Variants in ZSCAN5A observed in about 807,000 individuals in gnomAD.
ZSCAN5A encodes the protein zinc finger and SCAN domain-containing protein 5A.
Under a neutral mutation model 23.7 loss-of-function variants are expected in ZSCAN5A, and 12 were observed. The observed-to-expected ratio is 0.51, with a 90% CI of 0.32 to 0.82. The LOEUF (loss-of-function observed/expected upper bound fraction) is 0.82. Ranked by LOEUF, ZSCAN5A falls within the 40% of genes least tolerant of loss-of-function variation. ZSCAN5A has a pLI of 0.03. For missense variants in ZSCAN5A, 597 were observed against 617.9 expected (o/e 0.97, Z 0.36); for synonymous variants, 257 against 239.9 (o/e 1.07, Z -0.66).
At chr19:56,344,995 C>T (rs2041622632) in intron 2 of ZSCAN5A, among the ~76,000 whole-genome samples, 1 of 147,706 alleles carries the variant, frequency 6.8e-6, no homozygotes. Context: ...GTCCCAGCTA[C>T]TCGGGAGGCC....
intron 2 of ZSCAN5A, among the ~76,000 whole-genome samples, chr19:56,270,800 T>C (rs75126527): frequency 5.8e-4 from 88 of 152,242 alleles, no homozygotes; most frequent in African/African-American, 2.0e-3. Context: ...ACTGTGTAAT[T>C]GATAGGGACC....
intron 2 of ZSCAN5A, among the ~76,000 whole-genome samples, chr19:56,238,045 G>A (rs1411392887): frequency 2.8e-5 from 4 of 143,468 alleles, no homozygotes; most frequent in East Asian, 2.0e-4. Context: ...GCCAGGAGTC[G>A]TGGCATATGT....
At chr19:56,235,095 G>T (rs796931427) in intron 2 of ZSCAN5A, among the ~76,000 whole-genome samples, 24,205 of 92,918 alleles carry the variant, frequency 0.26, 1,448 homozygotes, top group South Asian at 0.34. Context: ...AACCTCTGAT[G>T]GACGGTGGGC....
At chr19:56,313,831 A>T (rs543357060) in intron 1 of ZSCAN5A, among the ~76,000 whole-genome samples, 6 of 152,334 alleles carry the variant, frequency 3.9e-5, no homozygotes, top group African/African-American at 1.4e-4. Flanking sequence ...GATCATGTCC[A>T]GACATTCATA....
At chr19:56,362,685 C>G (rs1204871297) in intron 2 of ZSCAN5A, among the ~76,000 whole-genome samples, 1 of 152,048 alleles carries the variant, frequency 6.6e-6, no homozygotes, top group African/African-American at 2.4e-5. Context: ...CTGGCTAACA[C>G]GGTAAAACCC....
At chr19:56,340,291 C>A (rs769645072) in intron 2 of ZSCAN5A, among the ~76,000 whole-genome samples, 1 of 152,180 alleles carries the variant, frequency 6.6e-6, no homozygotes, top group Non-Finnish European at 1.5e-5. Flanking sequence ...AGCAAAATGT[C>A]TCTCAAGGCA....
rs759680447 is a variant in ZSCAN5A at position 56,222,009 on chromosome 19, G to A, written c.1057C>T (p.Leu353=). 1.1e-5 allele frequency: 18 copies of A among 1,614,116 alleles called. No individual in the cohort carries two copies. Among genetic ancestry groups the A allele is most frequent in the Admixed American group, 6.7e-5 (4 of 60,012 alleles). ...SHPDGQEAKA[L]PPFACDVCEK... ...CACACGTCACATGCAAAGGGCGGCA[G>A]TGCCTTGGCTTCTTGGCCATCCGGG... The change falls in exon 6 of 6, where the codon CTG becomes TTG. Residue 353 remains leucine, a synonymous_variant. Transcript: ENST00000683990.
Position 56,222,321 on chromosome 19 carries a change from G to C in ZSCAN5A, c.745C>G (p.Leu249Val), listed in dbSNP as rs754451246. 4.3e-6 allele frequency: 7 copies of C among 1,610,562 alleles called. 1 individual carries two copies. Among genetic ancestry groups the C allele is most frequent in the South Asian group, 3.3e-5 (3 of 91,060 alleles). ...EPQLPKSPTD[L>V]VRAKEGKDPP... is the part of the protein sequence containing the mutation. ...TCCTTCCCCTCCTTTGCTCTCACCAGATCTGCTGGAAGAAGGGATTCCACA... is the reference window on the plus strand; with the variant it reads ...TCCTTCCCCTCCTTTGCTCTCACCACATCTGCTGGAAGAAGGGATTCCACA... Residue 249 changes from leucine (L) to valine (V), a missense_variant, in exon 6 of 6, where the codon CTG (leucine) becomes GTG (valine). This residue lies in a region of ZSCAN5A where 406 missense variants were observed against 353.2 expected (regional missense o/e 1.15). Coordinates refer to ENST00000683990, the MANE Select transcript of ZSCAN5A (RefSeq NM_001322064.3).
At chr19:56,244,115 T>G (rs1600073617) in intron 2 of ZSCAN5A, 1 of 1,544,188 alleles carries the variant, frequency 6.5e-7, no homozygotes, top group Non-Finnish European at 8.9e-7. Flanking sequence ...GCCGCCACAG[T>G]CTGTGGCTTC....
At chr19:56,298,896 T>A (rs1190290617) in intron 2 of ZSCAN5A, among the ~76,000 whole-genome samples, 1 of 152,168 alleles carries the variant, frequency 6.6e-6, no homozygotes, top group Non-Finnish European at 1.5e-5. Context: ...AAAGGAAAAT[T>A]TCAGGCCAAT....
At chr19:56,359,568 C>T (rs1487200330) in intron 2 of ZSCAN5A, among the ~76,000 whole-genome samples, 1 of 152,194 alleles carries the variant, frequency 6.6e-6, no homozygotes, top group Non-Finnish European at 1.5e-5. Context: ...TCCTCCTTAA[C>T]TCATTTTATG....
At chr19:56,279,627 A>G (rs1456843890) in intron 2 of ZSCAN5A, among the ~76,000 whole-genome samples, 2 of 152,228 alleles carry the variant, frequency 1.3e-5, no homozygotes, top group Non-Finnish European at 2.9e-5. Context: ...CATCATGAGA[A>G]TCACATGGGA....
At chr19:56,308,331 CTT>C (rs543582885) in intron 2 of ZSCAN5A, among the ~76,000 whole-genome samples, 2 of 144,666 alleles carry the variant, frequency 1.4e-5, no homozygotes, top group Non-Finnish European at 3.0e-5. Flanking sequence ...GGCTCCCAGT[CTT>C]TTTTTTTTGA....
At chr19:56,293,539 G>C (rs1194491949) in intron 2 of ZSCAN5A, among the ~76,000 whole-genome samples, 1 of 152,128 alleles carries the variant, frequency 6.6e-6, no homozygotes, top group Non-Finnish European at 1.5e-5. Context: ...TGTGGGCGCC[G>C]GTCCTGACTG....
chr19:56,357,138 C>T (rs894525305), intron 2 of ZSCAN5A, among the ~76,000 whole-genome samples: 2 of 148,636 alleles, frequency 1.3e-5, no homozygotes, highest in Non-Finnish European at 3.0e-5. Context: ...CTGTCTGTGA[C>T]GTGTCTGTTT....
chr19:56,241,553 C>T (rs961965452), intron 2 of ZSCAN5A, among the ~76,000 whole-genome samples: 2 of 152,216 alleles, frequency 1.3e-5, no homozygotes, highest in Non-Finnish European at 2.9e-5. Flanking sequence ...AGCTGCTATT[C>T]ACATGCCTTA....
At chr19:56,314,608 T>TC (rs1292323196) in intron 1 of ZSCAN5A, 73 bp downstream of exon 1, 33 of 140,354 alleles carry the variant, frequency 2.4e-4, no homozygotes, top group Admixed American at 2.3e-3. Flanking sequence ...GCCCTCCCTC[T>TC]CCCCAACCCA....
At chr19:56,366,719 T>C (rs2041769015) in intron 1 of ZSCAN5A, among the ~76,000 whole-genome samples, 1 of 152,226 alleles carries the variant, frequency 6.6e-6, no homozygotes, top group Admixed American at 6.5e-5. Flanking sequence ...AGAGAGGCCC[T>C]AAGCTGCATG....
chr19:56,273,562 A>G (rs971363344), intron 2 of ZSCAN5A, among the ~76,000 whole-genome samples: 4 of 152,182 alleles, frequency 2.6e-5, no homozygotes, highest in Non-Finnish European at 4.4e-5. Flanking sequence ...CATTTGAGGT[A>G]AGGAATAGGA....
Sources: gnomAD v4.1 joint callset for allele counts (sites outside exome capture counted in the v4.1 genomes callset) on GRCh38, gnomAD v4.1.1 for gene constraint, gnomAD v4.1.1 regional missense constraint, MANE v1.5 for transcripts, NCBI Gene and HGNC (gene_info 2026-07-23, HGNC 2026-07-21) for gene names.